B3GALT1: variants seen among roughly 807,000 people sequenced by gnomAD.
B3GALT1 encodes the protein beta-1,3-galactosyltransferase 1.
Under a neutral mutation model 23.2 loss-of-function variants are expected in B3GALT1, and 10 were observed. That is an observed-to-expected ratio of 0.43 (90% CI 0.27 to 0.73). The LOEUF (loss-of-function observed/expected upper bound fraction) is 0.73, where lower values mean the gene tolerates loss of function less well. Among genes scored for constraint, B3GALT1 ranks in the 30% least tolerant of loss-of-function variants. The probability of loss-of-function intolerance (pLI) is 0.21; values close to 1 mark genes in which losing one functional copy is unlikely to be tolerated. For synonymous variants in B3GALT1, 156 were observed against 141.5 expected (o/e 1.10, Z -0.73); for missense variants, 299 against 405.4 (o/e 0.74, Z 2.25).
At chr2:167,401,034 G>A (rs1016275405) in intron 1 of B3GALT1, among the ~76,000 whole-genome samples, 1 of 152,046 alleles carries the variant, frequency 6.6e-6, no homozygotes, top group Non-Finnish European at 1.5e-5. Flanking sequence ...TCTTAATTGA[G>A]TAGGCAGATG....
intron 1 of B3GALT1, among the ~76,000 whole-genome samples, chr2:167,318,916 T>C (rs1696761086): frequency 6.6e-6 from 1 of 152,122 alleles, no homozygotes; most frequent in South Asian, 2.1e-4. Context: ...GGATCAAGCC[T>C]ATCAGAGCCT....
chr2:167,617,103 CT>C (rs1221491159), intron 2 of B3GALT1, among the ~76,000 whole-genome samples: 5 of 152,152 alleles, frequency 3.3e-5, no homozygotes, highest in East Asian at 1.9e-4. Flanking sequence ...CACACAGGAA[CT>C]TTTTGTTTTC....
chr2:167,810,018 C>T (rs545862861), intron 3 of B3GALT1, among the ~76,000 whole-genome samples: 1 of 152,338 alleles, frequency 6.6e-6, no homozygotes, highest in East Asian at 1.9e-4. Flanking sequence ...TGCCACCTTG[C>T]AGTTTGATCT....
intron 3 of B3GALT1, among the ~76,000 whole-genome samples, chr2:167,659,822 C>G (rs1386381739): frequency 1.3e-5 from 2 of 152,026 alleles, no homozygotes; most frequent in African/African-American, 4.8e-5. Flanking sequence ...GAGAGAGAAT[C>G]TCCTCTCTTC....
intron 4 of B3GALT1, among the ~76,000 whole-genome samples, chr2:167,835,079 G>A (rs368087832): frequency 6.6e-4 from 100 of 152,202 alleles, no homozygotes; most frequent in East Asian, 6.4e-3. Context: ...GAACAGCTCC[G>A]GTCTACAGCT....
intron 3 of B3GALT1, among the ~76,000 whole-genome samples, chr2:167,655,622 C>A (rs1213565811): frequency 6.6e-6 from 1 of 152,138 alleles, no homozygotes; most frequent in South Asian, 2.1e-4. Context: ...TAAAATTGTT[C>A]ATTGACAGTT....
At chr2:167,805,172 CTGTT>C (rs1325728925) in intron 3 of B3GALT1, among the ~76,000 whole-genome samples, 1 of 151,926 alleles carries the variant, frequency 6.6e-6, no homozygotes, top group Non-Finnish European at 1.5e-5. Context: ...TTTGATGGGG[CTGTT>C]TGTTTTTTCC....
chr2:167,816,301 A>G (rs1026830503), intron 3 of B3GALT1, among the ~76,000 whole-genome samples: 1 of 152,182 alleles, frequency 6.6e-6, no homozygotes, highest in Non-Finnish European at 1.5e-5. Flanking sequence ...TGCTAAAATT[A>G]TTTTTTAATG....
At chr2:167,729,515 A>G (rs1435918550) in intron 3 of B3GALT1, among the ~76,000 whole-genome samples, 1 of 152,224 alleles carries the variant, frequency 6.6e-6, no homozygotes, top group African/African-American at 2.4e-5. Context: ...AATTATGTAT[A>G]ATGTCACACC....
chr2:167,433,019 T>C (rs1698727917), intron 1 of B3GALT1, among the ~76,000 whole-genome samples: 1 of 152,238 alleles, frequency 6.6e-6, no homozygotes, highest in South Asian at 2.1e-4. Context: ...ATGATATGTA[T>C]CTAGCACTAT....
intron 4 of B3GALT1, among the ~76,000 whole-genome samples, chr2:167,845,385 G>A (rs1004607109): frequency 2.6e-5 from 4 of 152,130 alleles, no homozygotes; most frequent in African/African-American, 7.2e-5. Context: ...TGGTATCCAC[G>A]TCTGGAAGGC....
intron 3 of B3GALT1, among the ~76,000 whole-genome samples, chr2:167,817,807 C>G (rs1382795823): frequency 6.6e-6 from 1 of 152,178 alleles, no homozygotes; most frequent in Non-Finnish European, 1.5e-5. Context: ...TATTATGAAG[C>G]TTTGTATACA....
At chr2:167,398,280 G>T (rs531813229) in intron 1 of B3GALT1, among the ~76,000 whole-genome samples, 2 of 152,138 alleles carry the variant, frequency 1.3e-5, no homozygotes, top group East Asian at 3.9e-4. Flanking sequence ...GTCAGTCTAG[G>T]TCTAGTGATT....
intron 1 of B3GALT1, among the ~76,000 whole-genome samples, chr2:167,451,773 G>C (rs1699095903): frequency 6.6e-6 from 1 of 152,188 alleles, no homozygotes; most frequent in African/African-American, 2.4e-5. Flanking sequence ...TTTGTCTTTG[G>C]CTACCAGGGC....
intron 1 of B3GALT1, among the ~76,000 whole-genome samples, chr2:167,471,854 T>C (rs1699421965): frequency 6.6e-6 from 1 of 152,146 alleles, no homozygotes; most frequent in Admixed American, 6.6e-5. Flanking sequence ...GGTTGCTACC[T>C]AAGACAATCA....
chr2:167,658,305 G>A (rs559774822), intron 3 of B3GALT1, among the ~76,000 whole-genome samples: 1 of 151,996 alleles, frequency 6.6e-6, no homozygotes, highest in Admixed American at 6.6e-5. Flanking sequence ...ATTATACATG[G>A]CTTGTTAGAT....
intron 4 of B3GALT1, among the ~76,000 whole-genome samples, chr2:167,826,044 G>A (rs898542111): frequency 2.0e-5 from 3 of 152,104 alleles, no homozygotes; most frequent in Admixed American, 1.3e-4. Flanking sequence ...GTAGAGATTG[G>A]TGCCATACAA....
At chr2:167,440,307 C>A (rs1257593893) in intron 1 of B3GALT1, among the ~76,000 whole-genome samples, 1 of 139,054 alleles carries the variant, frequency 7.2e-6, no homozygotes, top group Admixed American at 7.6e-5. Flanking sequence ...TGCACCACTG[C>A]ACACTCCATC....
At chr2:167,302,412 C>T (rs1318720215) in intron 1 of B3GALT1, among the ~76,000 whole-genome samples, 1 of 151,746 alleles carries the variant, frequency 6.6e-6, no homozygotes, top group Admixed American at 6.6e-5. Context: ...GTACTAGAAA[C>T]AAAACATTGG....
Sources: allele counts gnomAD v4.1 joint callset (sites outside exome capture counted in the v4.1 genomes callset), GRCh38; gene constraint gnomAD v4.1.1; transcripts MANE v1.5; gene names NCBI Gene and HGNC (gene_info 2026-07-23, HGNC 2026-07-21).